The following NXPE2 variants were observed in gnomAD, a reference collection of about 807,000 sequenced individuals.
The protein encoded by NXPE2 is neurexophilin and PC-esterase domain family member 2, also known as NXPE family member 2.
Under a neutral mutation model 34.4 loss-of-function variants are expected in NXPE2, and 34 were observed. The observed-to-expected ratio is 0.99, with a 90% CI of 0.75 to 1.31. NXPE2 has a LOEUF of 1.31. Ranked by LOEUF, NXPE2 falls within the 40% of genes most tolerant of loss-of-function variation. The pLI is 0.00. For synonymous variants in NXPE2, 235 were observed against 231.3 expected (o/e 1.02, Z -0.15); for missense variants, 649 against 672.5 (o/e 0.97, Z 0.39).
the NXPE2 span, among the ~76,000 whole-genome samples, chr11:114,540,885 T>TTTTTTTTTTTTTTTTTG: frequency 8.6e-5 from 7 of 81,240 alleles, 1 homozygote; most frequent in East Asian, 4.3e-4. Context: ...TTTTTTTTTT[T>TTTTTTTTTTTTTTTTTG]GGCTTGAACA....
At chr11:114,494,573 T>G in the NXPE2 span, among the ~76,000 whole-genome samples, 1 of 152,192 alleles carries the variant, frequency 6.6e-6, no homozygotes, top group African/African-American at 2.4e-5. Context: ...AATCTCTTTG[T>G]TCAATGTATC....
At chr11:114,546,465 CTTT>C in the NXPE2 span, among the ~76,000 whole-genome samples, 8 of 106,564 alleles carry the variant, frequency 7.5e-5, no homozygotes, top group Admixed American at 1.8e-4. Context: ...TATATTTTTT[CTTT>C]TTCTTTTTTT....
chr11:114,649,711 T>C, the NXPE2 span, among the ~76,000 whole-genome samples: 1 of 152,308 alleles, frequency 6.6e-6, no homozygotes, highest in South Asian at 2.1e-4. Flanking sequence ...GAAATGATCA[T>C]AGGAGTCCAA....
At chr11:114,591,109 G>T in the NXPE2 span, among the ~76,000 whole-genome samples, 1 of 152,162 alleles carries the variant, frequency 6.6e-6, no homozygotes, top group East Asian at 1.9e-4. Context: ...CAGTTCTTTT[G>T]TAGAGCAAGA....
the NXPE2 span, among the ~76,000 whole-genome samples, chr11:114,640,314 T>C: frequency 4.8e-5 from 7 of 146,728 alleles, no homozygotes; most frequent in African/African-American, 9.9e-5. Context: ...TATATATTTA[T>C]ATATTATATG....
intron 2 of NXPE2, among the ~76,000 whole-genome samples, chr11:114,693,703 T>G (rs1951196094): frequency 6.6e-6 from 1 of 152,178 alleles, no homozygotes; most frequent in South Asian, 2.1e-4. Context: ...TTAAAATATC[T>G]AGGATATGAT....
the NXPE2 span, among the ~76,000 whole-genome samples, chr11:114,526,251 T>A: frequency 6.6e-6 from 1 of 152,216 alleles, no homozygotes; most frequent in Admixed American, 6.5e-5. Flanking sequence ...GAGACCAGCA[T>A]TGGACATCTG....
chr11:114,534,621 A>AG, the NXPE2 span, among the ~76,000 whole-genome samples: 1 of 152,258 alleles, frequency 6.6e-6, no homozygotes, highest in Admixed American at 6.5e-5. Flanking sequence ...CCACAGCACG[A>AG]GAGCTACGTG....
chr11:114,559,325 C>G, the NXPE2 span, among the ~76,000 whole-genome samples: 58,034 of 151,998 alleles, frequency 0.38, 11,431 homozygotes, highest in East Asian at 0.66. Context: ...TAGACCACAA[C>G]GATCTCTCCC....
the NXPE2 span, chr11:114,521,644 A>G: frequency 4.2e-6 from 1 of 236,982 alleles, no homozygotes; most frequent in Non-Finnish European, 8.2e-6. Context: ...AGACAGAGCT[A>G]GGAAATATCT....
At chr11:114,810,518 G>A in the NXPE2 span, among the ~76,000 whole-genome samples, 4 of 151,878 alleles carry the variant, frequency 2.6e-5, no homozygotes, top group African/African-American at 9.7e-5. Context: ...CCATCAAAGA[G>A]TGGGCAAAGG....
chr11:114,529,762 G>T, the NXPE2 span: 1 of 173,624 alleles, frequency 5.8e-6, no homozygotes, highest in African/African-American at 2.4e-5. Flanking sequence ...TGGGAAGCTG[G>T]TATGGGTAAT....
the NXPE2 span, among the ~76,000 whole-genome samples, chr11:114,741,422 CTCT>C: frequency 6.6e-6 from 1 of 151,932 alleles, no homozygotes; most frequent in Admixed American, 6.6e-5. Context: ...TCTCCTTTTT[CTCT>C]TCTTTTGCTG....
At chr11:114,478,290 A>G in the NXPE2 span, among the ~76,000 whole-genome samples, 1 of 152,074 alleles carries the variant, frequency 6.6e-6, no homozygotes, top group East Asian at 1.9e-4. Flanking sequence ...AGATAGGGGC[A>G]CTCTCTTCCT....
chr11:114,661,712 A>C, the NXPE2 span, among the ~76,000 whole-genome samples: 10 of 152,250 alleles, frequency 6.6e-5, no homozygotes, highest in Non-Finnish European at 1.2e-4. Context: ...GAAGAACTGC[A>C]TTGGCCAAGG....
At chr11:114,718,570 T>C in the NXPE2 span, among the ~76,000 whole-genome samples, 1 of 152,194 alleles carries the variant, frequency 6.6e-6, no homozygotes, top group African/African-American at 2.4e-5. Context: ...TGATCTCTCA[T>C]GCTCATCAAA....
the NXPE2 span, among the ~76,000 whole-genome samples, chr11:114,535,601 A>G: frequency 6.6e-6 from 1 of 152,210 alleles, no homozygotes; most frequent in Admixed American, 6.5e-5. Flanking sequence ...TACCAAGCAA[A>G]TGGAAAACAA....
the NXPE2 span, among the ~76,000 whole-genome samples, chr11:114,612,057 G>T: frequency 2.0e-5 from 3 of 151,870 alleles, no homozygotes; most frequent in African/African-American, 7.2e-5. Flanking sequence ...GTTGCCTCGT[G>T]GGTAACCACT....
the NXPE2 span, chr11:114,518,286 C>T: frequency 0.077 from 11,733 of 152,196 alleles, 607 homozygotes; most frequent in Non-Finnish European, 0.11. Flanking sequence ...AGGATTAGCT[C>T]AGCACATTCA....
Sources: gnomAD v4.1 joint callset for allele counts (sites outside exome capture counted in the v4.1 genomes callset) on GRCh38, gnomAD v4.1.1 for gene constraint, MANE v1.5 for transcripts, NCBI Gene and HGNC (gene_info 2026-07-23, HGNC 2026-07-21) for gene names.